Variants in TRPV5 observed in about 807,000 individuals in gnomAD.
The protein encoded by TRPV5 is transient receptor potential cation channel subfamily V member 5.
Under a neutral mutation model 74.1 loss-of-function variants are expected in TRPV5, and 66 were observed. The observed-to-expected ratio is 0.89, with a 90% CI of 0.73 to 1.09. The LOEUF is 1.09. TRPV5 is among the 50% of genes least tolerant of loss of function. TRPV5 has a pLI of 0.00. For missense variants in TRPV5, 936 were observed against 930.4 expected, an observed-to-expected ratio of 1.01 and a Z score of -0.08; for synonymous variants, 399 against 360.7, an observed-to-expected ratio of 1.11 and a Z score of -1.20.
At chr7:142,929,833 G>A (rs150954814) in intron 3 of TRPV5, among the ~76,000 whole-genome samples, 123 of 152,278 alleles carry the variant, frequency 8.1e-4, no homozygotes, top group African/African-American at 2.9e-3. Flanking sequence ...AATTGAGATA[G>A]GTCCTACAGG....
Position 142,930,408 on chromosome 7 carries a change from T to C in TRPV5, c.167A>G (p.Asn56Ser). 6.2e-7 allele frequency: 1 copy of C among 1,614,096 alleles called. No homozygotes were observed. The highest frequency in any genetic ancestry group is 8.5e-7 in the Non-Finnish European group (1 of 1,179,976). ...AAGTTGCCTAAGAACAGACAGGTCA[T>C]TTTCCTTGGATGCTCGAAGCAGTGG... ...ESPLLRASKE[N>S]DLSVLRQLLL... Residue 56 changes from asparagine (N) to serine (S), a missense_variant, in exon 2 of 15, where the codon AAT becomes AGT. Asn to Ser is a conservative substitution (Grantham distance 46). Transcript: ENST00000265310.
In TRPV5 at chr7:142,933,343, C is replaced by A. The variant is rs142140429; in HGVS notation, c.117G>T (p.Leu39=). 4 of 1,613,640 alleles carry A rather than the reference C, an allele frequency of 2.5e-6. No homozygotes were observed. Among genetic ancestry groups the A allele is most frequent in the African/African-American group, 1.3e-5 (1 of 74,914 alleles). ...TCTAGGAAGCCTACCTCTTCTGCTGCAGCATATGAAGCTTGTCCAGGTGCT... is the reference window on the plus strand; with the variant it reads ...TCTAGGAAGCCTACCTCTTCTGCTGAAGCATATGAAGCTTGTCCAGGTGCT... ...WDQHLDKLHM[L]QQKRILESPL... is the part of the protein sequence containing the mutation. Residue 39 remains leucine (L), a synonymous_variant, in exon 1 of 15, where the codon CTG becomes CTT. Transcript: ENST00000265310.
chr7:142,933,153 G>T (rs572938757), intron 1 of TRPV5, among the ~76,000 whole-genome samples, 179 bp downstream of exon 1: 1 of 152,108 alleles, frequency 6.6e-6, no homozygotes, highest in Non-Finnish European at 1.5e-5. Context: ...ATCCTCCACC[G>T]CCACTAAAAG....
chr7:142,924,311 TACACAC>T (rs1362580658), intron 8 of TRPV5, among the ~76,000 whole-genome samples: 11,777 of 30,398 alleles, frequency 0.39, 2,972 homozygotes, highest in Admixed American at 0.48. Flanking sequence ...CATATATATA[TACACAC>T]ATATACATGT....
chr7:142,931,563 A>T (rs1352211103), intron 1 of TRPV5, among the ~76,000 whole-genome samples: 1 of 152,204 alleles, frequency 6.6e-6, no homozygotes, highest in Non-Finnish European at 1.5e-5. Context: ...ACATATGTGT[A>T]TTGGCCCCAA....
chr7:142,930,396 A>G lies in TRPV5; in HGVS notation c.179T>C (p.Val60Ala), dbSNP rs200528928. The G allele has an allele frequency of 3.3e-4, 530 of 1,614,050 alleles. 2 individuals are homozygous for G. The highest frequency in any genetic ancestry group is 2.6e-4 in the Non-Finnish European group (301 of 1,180,008). ...GCAGTCCAGTAGAAGTTGCCTAAGA[A>G]CAGACAGGTCATTTTCCTTGGATGC... ...LRASKENDLS[V>A]LRQLLLDCTC... Residue 60 changes from valine to alanine, a missense_variant, in exon 2 of 15, where the codon GTT becomes GCT. Transcript: ENST00000265310.
chr7:142,928,002 G>T lies in TRPV5; in HGVS notation c.909+86C>A, dbSNP rs1586227065. 4 of 1,551,134 alleles carry T rather than the reference G, an allele frequency of 2.6e-6. No homozygotes were observed. The East Asian group carries it at 9.0e-5, about 35-fold the overall frequency. On this transcript the variant is annotated intron_variant, in intron 7 of 14. Coordinates refer to ENST00000265310, the MANE Select transcript of TRPV5 (RefSeq NM_019841.7). ...TATTATAAGGCTGGGAAGTGTCTCA[G>T]GCCCAGGATCTTAGTAAGTGGACAG...
At chr7:142,924,882 C>G (rs560883438) in intron 8 of TRPV5, 1 of 152,968 alleles carries the variant, frequency 6.5e-6, no homozygotes, top group African/African-American at 2.4e-5. Flanking sequence ...TCTTCAACAG[C>G]AGATTTCTAT....
rs140043491 is a variant in TRPV5, at chr7:142,909,327, G to A, written c.1895+163C>T. ...GACACATGCACACAACCTTTTACAC[G>A]TGGCTGCCCTGAGGTACACACAGCA... On this transcript the variant is annotated intron_variant, in intron 14 of 14. Coordinates refer to ENST00000265310, the MANE Select transcript of TRPV5 (RefSeq NM_019841.7). Among the ~76,000 whole-genome samples the A allele has an allele frequency of 9.9e-4, 150 of 152,258 alleles. 1 individual carries two copies. The highest frequency in any genetic ancestry group is 3.4e-3 in the African/African-American group (143 of 41,560).
chr7:142,933,244 G>A (rs565012250), intron 1 of TRPV5, 88 bp downstream of exon 1: 1 of 1,519,142 alleles, frequency 6.6e-7, no homozygotes, highest in South Asian at 1.2e-5. Flanking sequence ...TACACTTCTA[G>A]GGTGCTGTAT....
At chr7:142,914,551 G>T in intron 12 of TRPV5, 89 bp downstream of exon 12, 4 of 1,124,162 alleles carry the variant, frequency 3.6e-6, no homozygotes, top group Non-Finnish European at 5.2e-6. Context: ...GCAAAATGAA[G>T]TGCAAATGAG....
chr7:142,924,562 T>A (rs1426896728), intron 8 of TRPV5, among the ~76,000 whole-genome samples: 1 of 151,760 alleles, frequency 6.6e-6, no homozygotes, highest in African/African-American at 2.4e-5. Context: ...AAAGTTTATA[T>A]TCTCTTTCCG....
At chr7:142,932,355 G>T (rs1331957466) in intron 1 of TRPV5, among the ~76,000 whole-genome samples, 1 of 152,168 alleles carries the variant, frequency 6.6e-6, no homozygotes, top group Non-Finnish European at 1.5e-5. Flanking sequence ...TGGAGGTATT[G>T]GGTGGGGAGA....
chr7:142,927,389 C>T lies in TRPV5; in HGVS notation c.909+699G>A, dbSNP rs542094717. Among the ~76,000 whole-genome samples the T allele has an allele frequency of 1.1e-4, 16 of 152,268 alleles. No individual in the cohort carries two copies. In the East Asian group the frequency reaches 2.7e-3, roughly 26 times the overall value. ...TTCTTGTGCAGTGCCTGACATACAG[C>T]GGGTGTTCAATATGCTTGTATTAGT... is the stretch of plus-strand genomic sequence containing the variant. On this transcript the variant is annotated intron_variant, in intron 7 of 14. Transcript: ENST00000265310.
chr7:142,910,921 TCCA>T (rs1275108731), intron 13 of TRPV5, among the ~76,000 whole-genome samples: 1 of 152,050 alleles, frequency 6.6e-6, no homozygotes, highest in Non-Finnish European at 1.5e-5. Flanking sequence ...AAACCTCCCC[TCCA>T]CCACCATCAC....
intron 1 of TRPV5, among the ~76,000 whole-genome samples, chr7:142,932,592 G>GT (rs1281205678): frequency 6.6e-6 from 1 of 152,132 alleles, no homozygotes; most frequent in African/African-American, 2.4e-5. Context: ...TGGGTGGGAG[G>GT]CAAGCCCCAA....
rs746151865 is a variant in TRPV5, at chr7:142,930,464, TGA to T, written c.129-20_129-19del. The T allele has an allele frequency of 6.9e-6, 11 of 1,596,852 alleles. No homozygotes were observed. Among genetic ancestry groups the T allele is most frequent in the Non-Finnish European group, 9.4e-6 (11 of 1,164,282 alleles). ...CTAGAATCCTGGGGAAAGGTGAACGTGAGTTTGGAAGAGACAGTCATAGCAGA... is the reference window on the plus strand; with the variant it reads ...CTAGAATCCTGGGGAAAGGTGAACGTGTTTGGAAGAGACAGTCATAGCAGA... On this transcript the variant is annotated intron_variant, in intron 1 of 14. Transcript: ENST00000265310.
In TRPV5 at chr7:142,912,629, G is replaced by C. The variant is rs200657443; in HGVS notation, c.1641C>G (p.Tyr547Ter). 1 of 1,614,226 alleles carries C rather than the reference G, an allele frequency of 6.2e-7. No homozygotes were observed. The highest frequency in any genetic ancestry group is 1.1e-5 in the South Asian group (1 of 91,090). ...FLTVIDAPANYDVDLPFMFSI... is the reference protein window; with the variant it reads ...FLTVIDAPAN The stretch of plus-strand genomic sequence containing the variant: ...TGAACATGAAGGGCAAGTCCACGTC[G>C]TAGTTGGCAGGTGCATCAATAACAG... The change falls in exon 13 of 15, where the codon TAC (tyrosine) becomes TAG (stop). Residue 547 changes from tyrosine (Y) to a stop codon, truncating the protein, a stop_gained. Transcript: ENST00000265310. LOFTEE classifies it high-confidence loss of function.
intron 7 of TRPV5, 58 bp downstream of exon 7, chr7:142,928,030 T>C: frequency 1.2e-6 from 2 of 1,607,514 alleles, no homozygotes; most frequent in South Asian, 1.1e-5. Flanking sequence ...GTGGACAGAC[T>C]CTGCACAAAC....
Sources: gnomAD v4.1 joint callset for allele counts (sites outside exome capture counted in the v4.1 genomes callset) on GRCh38, gnomAD v4.1.1 for gene constraint, MANE v1.5 for transcripts, NCBI Gene and HGNC (gene_info 2026-07-23, HGNC 2026-07-21) for gene names.